TBCD: variants seen among roughly 807,000 people sequenced by gnomAD.
TBCD encodes the protein tubulin-specific chaperone D.
A neutral mutation model predicts 169.3 loss-of-function variants in TBCD; 105 were observed. The observed-to-expected ratio is 0.62, with a 90% CI of 0.53 to 0.73. The LOEUF (loss-of-function observed/expected upper bound fraction) is 0.73, where lower values mean the gene tolerates loss of function less well. Ranked by LOEUF, TBCD falls within the 30% of genes least tolerant of loss-of-function variation. The probability of loss-of-function intolerance (pLI) is 0.00; values close to 1 mark genes in which losing one functional copy is unlikely to be tolerated. For synonymous variants in TBCD, 700 were observed against 643.9 expected, an observed-to-expected ratio of 1.09 and a Z score of -1.32; for missense variants, 1,444 against 1,600.1, an observed-to-expected ratio of 0.90 and a Z score of 1.66.
intron 13 of TBCD, among the ~76,000 whole-genome samples, chr17:82,855,249 T>C (rs902645333): frequency 8.1e-6 from 1 of 123,690 alleles, no homozygotes; most frequent in Non-Finnish European, 1.6e-5. Context: ...TTTTTTTTTT[T>C]TTTTTTTTTT....
At chr17:82,758,688 GTC>G (rs1226318822) in intron 2 of TBCD, among the ~76,000 whole-genome samples, 1 of 96,134 alleles carries the variant, frequency 1.0e-5, no homozygotes, top group African/African-American at 4.2e-5. Context: ...TTGAGATGTA[GTC>G]TCTCTGTTGC....
intron 9 of TBCD, 59 bp from the exon 10 acceptor site, chr17:82,805,816 C>G (rs2050917776): frequency 1.9e-6 from 3 of 1,553,800 alleles, no homozygotes; most frequent in African/African-American, 2.7e-5. Context: ...ATGACTGGTT[C>G]CAGTCATCAG....
Position 82,862,112 on chromosome 17 carries a change from C to T in TBCD, c.1319-8112C>T, listed in dbSNP as rs891680754. Among the ~76,000 whole-genome samples, 5 of 151,880 alleles carry T rather than the reference C, an allele frequency of 3.3e-5. No homozygotes were observed. In the East Asian group the frequency reaches 5.8e-4, roughly 18 times the overall value. On this transcript the variant is annotated intron_variant, in intron 13 of 38. Transcript: ENST00000355528. The stretch of plus-strand genomic sequence containing the variant: ...TAATTTTTTGTATTTTTAGTAGAGA[C>T]GGGGTTTCACCGTGTTAGCCAGGAT...
rs200975447 is a variant in TBCD, at chr17:82,830,497, C to G, written c.1318+15563C>G. On this transcript the variant is annotated intron_variant, in intron 13 of 38. Coordinates refer to ENST00000355528, the MANE Select transcript of TBCD (RefSeq NM_005993.5). ...GGGGCCTGTGGGTGGGGCCCCGTCA[C>G]CGTCGAGGCTGCCTGGCTTGGTCTC... The G allele has an allele frequency of 5.6e-5, 91 of 1,613,604 alleles. No homozygotes were observed. The East Asian group carries it at 1.9e-3, about 34-fold the overall frequency.
chr17:82,830,836 C>T, intron 13 of TBCD: 4 of 1,613,220 alleles, frequency 2.5e-6, no homozygotes, highest in Non-Finnish European at 3.4e-6. Flanking sequence ...GAGAGAGGCG[C>T]TTCCGGTCGG....
Position 82,780,645 on chromosome 17 carries a change from C to CTTTTTT in TBCD, c.639-932_639-927dup, listed in dbSNP as rs36145167. On this transcript the variant is annotated intron_variant, in intron 6 of 38. Coordinates refer to ENST00000355528, the MANE Select transcript of TBCD (RefSeq NM_005993.5). Reference sequence around the variant, plus strand: ...ATCTCAAAAAAAAGGAAGACTTGGGCTTTTTTTTTTTTTTTTTGAGACAGA... The same window carrying CTTTTTT: ...ATCTCAAAAAAAAGGAAGACTTGGGCTTTTTTTTTTTTTTTTTTTTTTTGAGACAGA... 9.9e-4 allele frequency among the ~76,000 whole-genome samples: 104 copies of CTTTTTT among 104,714 alleles called. 1 individual carries two copies. Among genetic ancestry groups the CTTTTTT allele is most frequent in the South Asian group, 3.6e-3 (9 of 2,516 alleles). 68.7% of individuals were successfully genotyped at this position (104,714 alleles called of 152,430 possible). A position where few individuals can be genotyped will look rare whatever the true frequency, so the allele number is the denominator to read the frequency against.
intron 32 of TBCD, chr17:82,929,912 C>G: frequency 2.8e-6 from 1 of 360,720 alleles, no homozygotes; most frequent in Non-Finnish European, 5.3e-6. Flanking sequence ...TCTCCAGAGC[C>G]TTGGTCTGTG....
chr17:82,927,984 C>T lies in TBCD; in HGVS notation c.2689C>T (p.His897Tyr). The change falls in exon 30 of 39, where the codon CAT (histidine) becomes TAT (tyrosine). Residue 897 changes from histidine to tyrosine, a missense_variant. Physicochemically the swap from His to Tyr is moderately conservative, Grantham distance 83. Coordinates refer to ENST00000355528, the MANE Select transcript of TBCD (RefSeq NM_005993.5). ...GAGCCAGCCTGAGCTGATCGAGGCC[C>T]ATACGTGAGTGTCACGTCGCAGCTC... The part of the protein sequence containing the change: ...ARSQPELIEA[H>Y]TCERIMCCVA... 6.2e-7 allele frequency: 1 copy of T among 1,610,330 alleles called. No homozygotes were observed. The highest frequency in any genetic ancestry group is 8.5e-7 in the Non-Finnish European group (1 of 1,179,244).
At chr17:82,799,506 A>C (rs2050346197) in intron 8 of TBCD, among the ~76,000 whole-genome samples, 2 of 149,856 alleles carry the variant, frequency 1.3e-5, no homozygotes, top group Non-Finnish European at 3.0e-5. Flanking sequence ...TCTTTTTTTG[A>C]AAGTTTTTCA....
intron 13 of TBCD, chr17:82,829,817 C>A: frequency 6.4e-6 from 2 of 314,946 alleles, no homozygotes; most frequent in East Asian, 6.2e-5. Flanking sequence ...ACAGTTAAAA[C>A]AATTTGTTGT....
intron 29 of TBCD, 46 bp from the exon 30 acceptor site, chr17:82,927,859 A>G (rs747674689): frequency 1.0e-5 from 16 of 1,561,488 alleles, no homozygotes; most frequent in Admixed American, 1.7e-5. Flanking sequence ...CAGGGTTGGA[A>G]CCCCCCTCTC....
chr17:82,800,779 C>T lies in TBCD; in HGVS notation c.818-85C>T, dbSNP rs1460399166. On this transcript the variant is annotated intron_variant, in intron 8 of 38. Coordinates refer to ENST00000355528, the MANE Select transcript of TBCD (RefSeq NM_005993.5). ...CTCCTGCCTCAAGGCCCCTGTGGAG[C>T]CGGCTGTTGGTTTCGGGGACACAGG... The T allele has an allele frequency of 3.3e-6, 5 of 1,503,560 alleles. No individual in the cohort carries two copies. The East Asian group carries it at 1.2e-4, about 37-fold the overall frequency. The allele number at this position is 1,503,560 out of a possible 1,614,324, so 93.1% of individuals were successfully genotyped here.
In TBCD at chr17:82,793,382, T is replaced by C. The variant is rs114192616; in HGVS notation, c.772-4375T>C. 1.0e-2 allele frequency among the ~76,000 whole-genome samples: 1,523 copies of C among 152,350 alleles called. 21 individuals carry two copies. Among genetic ancestry groups the C allele is most frequent in the African/African-American group, 0.035 (1,448 of 41,582 alleles). On this transcript the variant is annotated intron_variant, in intron 7 of 38. Coordinates refer to ENST00000355528, the MANE Select transcript of TBCD (RefSeq NM_005993.5). ...GCTCTCCCGTCCTGTCTAGGGCAAC[T>C]GCTGCTCTTTCTAGGGGTGGTAGTG...
intron 12 of TBCD, among the ~76,000 whole-genome samples, chr17:82,812,069 C>T (rs1194722578): frequency 6.6e-6 from 1 of 152,006 alleles, no homozygotes; most frequent in Non-Finnish European, 1.5e-5. Flanking sequence ...CCTCCTGACT[C>T]CCATCACCAG....
intron 15 of TBCD, among the ~76,000 whole-genome samples, chr17:82,887,968 C>G (rs997405922): frequency 4.6e-5 from 7 of 152,164 alleles, no homozygotes; most frequent in Non-Finnish European, 2.9e-5. Context: ...TTAGGGCACT[C>G]TTTACATATG....
intron 17 of TBCD, among the ~76,000 whole-genome samples, chr17:82,899,735 A>C (rs537578995): frequency 1.0e-3 from 156 of 152,350 alleles, no homozygotes; most frequent in Admixed American, 2.7e-3. Flanking sequence ...ATAATCTTGT[A>C]CTTTCACCAG....
At chr17:82,932,585 A>T in intron 33 of TBCD, 73 bp from the exon 34 acceptor site, 1 of 1,236,110 alleles carries the variant, frequency 8.1e-7, no homozygotes, top group Non-Finnish European at 1.2e-6. Flanking sequence ...GATCCTGCTG[A>T]CTCTCAGCCA....
chr17:82,828,285 C>T (rs2053108249), intron 13 of TBCD, among the ~76,000 whole-genome samples: 1 of 139,188 alleles, frequency 7.2e-6, no homozygotes, highest in African/African-American at 2.7e-5. Context: ...CACACACACC[C>T]CCCCACAGGC....
intron 34 of TBCD, among the ~76,000 whole-genome samples, chr17:82,936,816 G>C (rs1468864193): frequency 6.6e-6 from 1 of 152,200 alleles, no homozygotes; most frequent in Non-Finnish European, 1.5e-5. Flanking sequence ...CTCAGCCCTT[G>C]TCCCTGCTGC....
Sources: gnomAD v4.1 joint callset for allele counts (sites outside exome capture counted in the v4.1 genomes callset) on GRCh38, gnomAD v4.1.1 for gene constraint, MANE v1.5 for transcripts, NCBI Gene and HGNC (gene_info 2026-07-23, HGNC 2026-07-21) for gene names.